The following F5 variants were observed in gnomAD, a reference collection of about 807,000 sequenced individuals.
The protein encoded by F5 is activated protein c cofactor.
F5 carries 138 observed loss-of-function variants against 216.4 expected under a neutral mutation model. The observed-to-expected ratio is 0.64, with a 90% CI of 0.56 to 0.73. The LOEUF (loss-of-function observed/expected upper bound fraction) is 0.73, where lower values mean the gene tolerates loss of function less well. Among genes scored for constraint, F5 ranks in the 30% least tolerant of loss-of-function variants. The pLI, the probability that F5 is intolerant of heterozygous loss-of-function variation, is 0.00. For missense variants in F5, 2,403 were observed against 2,674.0 expected (o/e 0.90, Z 2.24); for synonymous variants, 916 against 930.7 (o/e 0.98, Z 0.29).
chr1:169,530,873 G>A lies in F5; in HGVS notation c.5121C>T (p.Thr1707=). ...DNAVQPNSSY[T]YVWHATERSG... ...ATCGCTCAGTGGCATGCCATACGTA[G>A]GTATAACTGCTATTTGGCTGAACAG... The change falls in exon 15 of 25, where the codon ACC becomes ACT. Residue 1707 remains threonine, a synonymous_variant. Coordinates refer to ENST00000367797, the MANE Select transcript of F5 (RefSeq NM_000130.5). 2.5e-6 allele frequency: 4 copies of A among 1,613,928 alleles called. No homozygotes were observed. Among genetic ancestry groups the A allele is most frequent in the Non-Finnish European group, 2.5e-6 (3 of 1,179,862 alleles).
chr1:169,521,163 T>C (rs6682179), intron 21 of F5, among the ~76,000 whole-genome samples: 140,765 of 152,072 alleles, frequency 0.93, 65,207 homozygotes, highest in East Asian at 1. Context: ...TGTCCTTTAG[T>C]CAAACACCAC....
intron 2 of F5, among the ~76,000 whole-genome samples, chr1:169,581,824 A>G (rs1458751024): frequency 7.0e-6 from 1 of 141,890 alleles, no homozygotes; most frequent in African/African-American, 2.4e-5. Flanking sequence ...TATTGTATAT[A>G]TCACACTAAA....
chr1:169,529,121 T>C (rs1283499924), intron 16 of F5, among the ~76,000 whole-genome samples: 1 of 152,182 alleles, frequency 6.6e-6, no homozygotes, highest in African/African-American at 2.4e-5. Flanking sequence ...CCTGGGTACC[T>C]AGTTTCTTAT....
At chr1:169,526,720 A>G (rs1038746896) in intron 17 of F5, among the ~76,000 whole-genome samples, 1 of 152,156 alleles carries the variant, frequency 6.6e-6, no homozygotes, top group Non-Finnish European at 1.5e-5. Context: ...AGGTTTGCAG[A>G]TTTAGAGACA....
At chr1:169,561,443 T>A (rs1229249573) in intron 3 of F5, among the ~76,000 whole-genome samples, 2 of 152,092 alleles carry the variant, frequency 1.3e-5, no homozygotes, top group African/African-American at 4.8e-5. Flanking sequence ...CTTTCCCTAC[T>A]GATAGGAGAG....
intron 10 of F5, among the ~76,000 whole-genome samples, chr1:169,546,979 A>AAAGAAAAGAAAAG (rs1553220681): frequency 1.3e-5 from 1 of 77,816 alleles, no homozygotes; most frequent in Non-Finnish European, 2.5e-5. Context: ...AAAAAAAAAA[A>AAAGAAAAGAAAAG]AAAAGAAAAG....
At chr1:169,553,425 G>A (rs577906422) in intron 7 of F5, among the ~76,000 whole-genome samples, 1 of 152,298 alleles carries the variant, frequency 6.6e-6, no homozygotes, top group South Asian at 2.1e-4. Context: ...AAACCACAAT[G>A]AGGCCGGGCG....
At position 169,523,206 on chromosome 1, in the gene F5, C is replaced by G. The variant is rs767055534; in HGVS notation, c.6039G>C (p.Arg2013Ser). Residue 2013 changes from arginine (R) to serine (S), a missense_variant, in exon 21 of 25, where the codon AGG (arginine) becomes AGC (serine). This residue lies in a region of F5 where 659 missense variants were observed against 787.9 expected (regional missense o/e 0.84). Transcript: ENST00000367797. The part of the protein sequence containing the change: ...NWQIFKGNST[R>S]NVMYFNGNSD... ...AAATATGCACACAAACCATCACATT[C>G]CTTGTGCTGTTCCCTTTGAAGATCT... is the stretch of plus-strand genomic sequence containing the variant. 1.2e-6 allele frequency: 2 copies of G among 1,614,068 alleles called. No individual in the cohort carries two copies. The highest frequency in any genetic ancestry group is 2.2e-5 in the South Asian group (2 of 91,072).
intron 2 of F5, among the ~76,000 whole-genome samples, chr1:169,574,805 T>G (rs6662176): frequency 6.6e-6 from 1 of 152,144 alleles, no homozygotes; most frequent in South Asian, 2.1e-4. Context: ...AAGCCACTTC[T>G]TTATACTACA....
At chr1:169,529,239 A>G (rs1424338043) in intron 16 of F5, among the ~76,000 whole-genome samples, 2 of 152,212 alleles carry the variant, frequency 1.3e-5, no homozygotes, top group Non-Finnish European at 2.9e-5. Flanking sequence ...CATTTCTTTT[A>G]TATAAACACT....
intron 1 of F5, among the ~76,000 whole-genome samples, chr1:169,583,087 G>A (rs892270602): frequency 3.3e-5 from 5 of 152,184 alleles, no homozygotes; most frequent in African/African-American, 1.2e-4. Flanking sequence ...CAGTTGATAA[G>A]TGGCAGAACC....
Position 169,530,746 on chromosome 1 carries a change from G to A in F5, c.5208+40C>T. ...CCATTTGGTGGACTTCAGATTACGA[G>A]GTTAGGGGAATGAGAAAAACTTTCA... On this transcript the variant is annotated intron_variant, in intron 15 of 24. Coordinates refer to ENST00000367797, the MANE Select transcript of F5 (RefSeq NM_000130.5). 6 of 1,548,762 alleles carry A rather than the reference G, an allele frequency of 3.9e-6. 1 individual carries two copies. Among genetic ancestry groups the A allele is most frequent in the South Asian group, 1.1e-5 (1 of 89,618 alleles).
At position 169,523,307 on chromosome 1, in the gene F5, C is replaced by G. The variant is rs779950139; in HGVS notation, c.5938G>C (p.Gly1980Arg). ...CAGGACTTCAGGTAGTGTTTGGCAC[C>G]TTGGGTCTGGATCCCTGTGATTATG... The part of the protein sequence containing the change: ...EVIITGIQTQ[G>R]AKHYLKSCYT... Residue 1980 changes from glycine (G) to arginine (R), a missense_variant, in exon 21 of 25, where the codon GGT becomes CGT. Gly to Arg is a moderately radical substitution (Grantham distance 125). Transcript: ENST00000367797. 2 of 1,614,040 alleles carry G rather than the reference C, an allele frequency of 1.2e-6. No homozygotes were observed. Among genetic ancestry groups the G allele is most frequent in the South Asian group, 1.1e-5 (1 of 91,074 alleles).
intron 23 of F5, among the ~76,000 whole-genome samples, chr1:169,517,254 G>C (rs1198797804): frequency 6.6e-6 from 1 of 152,064 alleles, no homozygotes; most frequent in Non-Finnish European, 1.5e-5. Flanking sequence ...TTAATCTCCT[G>C]TGTATTTAGA....
chr1:169,566,129 T>C (rs1433095592), intron 3 of F5, among the ~76,000 whole-genome samples: 1 of 152,084 alleles, frequency 6.6e-6, no homozygotes, highest in Non-Finnish European at 1.5e-5. Flanking sequence ...TAACTGAAAT[T>C]AGCATGGCTA....
In F5 at chr1:169,559,337, G is replaced by T. The variant is rs765527204; in HGVS notation, c.587-41C>A. 11 of 1,609,672 alleles carry T rather than the reference G, an allele frequency of 6.8e-6. No homozygotes were observed. The Admixed American group carries it at 1.8e-4, about 27-fold the overall frequency. On this transcript the variant is annotated intron_variant, in intron 4 of 24. Coordinates refer to ENST00000367797, the MANE Select transcript of F5 (RefSeq NM_000130.5). ...CATGTTTTCAGTAGCACTGCAGATA[G>T]AAGACGCTCATTAGCTTTCCTGGAT...
intron 22 of F5, among the ~76,000 whole-genome samples, chr1:169,520,018 C>T (rs1659257448): frequency 6.6e-6 from 1 of 152,134 alleles, no homozygotes; most frequent in South Asian, 2.1e-4. Flanking sequence ...ATAGAAAAGA[C>T]TTGAGTACCT....
Position 169,512,030 on chromosome 1 carries a change from ATAT to A in F5, c.*2280_*2282del, listed in dbSNP as rs1457394796. On this transcript the variant is annotated 3_prime_UTR_variant, in exon 25 of 25. Coordinates refer to ENST00000367797, the MANE Select transcript of F5 (RefSeq NM_000130.5). ...CACAGCATTAGATAATAGCCCAAAC[ATAT>A]TATTGATCCCCAAACAAGTATTTTC... 1.3e-5 allele frequency among the ~76,000 whole-genome samples: 2 copies of A among 152,078 alleles called. No homozygotes were observed. The highest frequency in any genetic ancestry group is 2.9e-5 in the Non-Finnish European group (2 of 67,994).
intron 20 of F5, 29 bp downstream of exon 20, chr1:169,523,772 G>A: frequency 2.0e-6 from 3 of 1,513,294 alleles, no homozygotes; most frequent in Non-Finnish European, 2.8e-6. Flanking sequence ...TACGATAGCA[G>A]TAAATATTAT....
Sources: allele counts gnomAD v4.1 joint callset (sites outside exome capture counted in the v4.1 genomes callset), GRCh38; gene constraint gnomAD v4.1.1; regional missense constraint gnomAD v4.1.1; transcripts MANE v1.5; gene names NCBI Gene and HGNC (gene_info 2026-07-23, HGNC 2026-07-21).